The following FSTL5 variants were observed in gnomAD, a reference collection of about 807,000 sequenced individuals.
The protein encoded by FSTL5 is follistatin-related protein 5.
Under a neutral mutation model 89.1 loss-of-function variants are expected in FSTL5, and 62 were observed. That is an observed-to-expected ratio of 0.70 (90% CI 0.57 to 0.86). The LOEUF is 0.86. Among genes scored for constraint, FSTL5 ranks in the 40% least tolerant of loss-of-function variants. FSTL5 has a pLI of 0.00. For missense variants in FSTL5, 1,057 were observed against 1,001.6 expected (o/e 1.06, Z -0.75); for synonymous variants, 383 against 346.2 (o/e 1.11, Z -1.18).
At position 161,757,046 on chromosome 4, in the gene FSTL5, A is replaced by G. The variant is rs142743793; in HGVS notation, c.727+2365T>C. On this transcript the variant is annotated intron_variant, in intron 6 of 15. Transcript: ENST00000306100. ...ACTATTTAGTAAAATGCCCAAAATA[A>G]TTTCTACATTTTCATAAAATTTCAG... 1.6e-4 allele frequency among the ~76,000 whole-genome samples: 25 copies of G among 152,260 alleles called. No individual in the cohort carries two copies. The East Asian group carries it at 4.4e-3, about 27-fold the overall frequency.
intron 3 of FSTL5, among the ~76,000 whole-genome samples, chr4:161,947,710 T>A (rs1362819816): frequency 6.6e-6 from 1 of 152,158 alleles, no homozygotes; most frequent in Admixed American, 6.5e-5. Flanking sequence ...CTAGTCGAGA[T>A]CTGTTGAATT....
intron 10 of FSTL5, among the ~76,000 whole-genome samples, chr4:161,526,473 G>T (rs753409906): frequency 2.0e-5 from 3 of 152,160 alleles, no homozygotes; most frequent in Non-Finnish European, 4.4e-5. Flanking sequence ...ATTTTACTGC[G>T]TGAGATAGAA....
chr4:161,424,946 T>C (rs370811553), intron 15 of FSTL5, among the ~76,000 whole-genome samples: 37 of 152,214 alleles, frequency 2.4e-4, no homozygotes, highest in African/African-American at 8.4e-4. Flanking sequence ...ATTGGCTTTT[T>C]CCCCATTGTT....
chr4:161,917,411 T>C (rs548957488), intron 4 of FSTL5, among the ~76,000 whole-genome samples: 2 of 152,314 alleles, frequency 1.3e-5, no homozygotes, highest in African/African-American at 2.4e-5. Context: ...TTAATTAAAA[T>C]TTTCTTTGTG....
At chr4:161,951,999 A>G (rs1734909278) in intron 3 of FSTL5, among the ~76,000 whole-genome samples, 1 of 152,052 alleles carries the variant, frequency 6.6e-6, no homozygotes, top group Non-Finnish European at 1.5e-5. Flanking sequence ...TCTTCTAGGT[A>G]TTGTGTCTTT....
At chr4:161,432,992 A>G (rs967451628) in intron 15 of FSTL5, among the ~76,000 whole-genome samples, 2 of 152,140 alleles carry the variant, frequency 1.3e-5, no homozygotes, top group African/African-American at 4.8e-5. Context: ...GTTAAATTTT[A>G]CCAAACATTG....
intron 1 of FSTL5, among the ~76,000 whole-genome samples, chr4:162,147,047 A>C (rs1733029950): frequency 6.6e-6 from 1 of 151,942 alleles, no homozygotes; most frequent in Admixed American, 6.6e-5. Flanking sequence ...CTCCCAAAGC[A>C]CTGAGATTAC....
chr4:161,718,435 ATT>A (rs902776299), intron 6 of FSTL5, among the ~76,000 whole-genome samples: 1 of 147,020 alleles, frequency 6.8e-6, no homozygotes, highest in Non-Finnish European at 1.5e-5. Context: ...ATGATAATAC[ATT>A]TTTTTTTTTG....
chr4:161,939,866 C>T (rs567879827), intron 3 of FSTL5, among the ~76,000 whole-genome samples: 4 of 151,940 alleles, frequency 2.6e-5, no homozygotes, highest in Admixed American at 2.0e-4. Context: ...CAAGCATAAA[C>T]TGTCAGAATA....
At chr4:161,688,091 T>C (rs929948119) in intron 6 of FSTL5, among the ~76,000 whole-genome samples, 3 of 152,128 alleles carry the variant, frequency 2.0e-5, no homozygotes, top group Non-Finnish European at 4.4e-5. Flanking sequence ...TCTGTTTTGT[T>C]TTGTTTTAAG....
Position 161,664,677 on chromosome 4 carries a change from A to G in FSTL5, c.728-8183T>C, listed in dbSNP as rs118063335. ...CTAAACTCTGCCTGATACCCAGTGC[A>G]AGTCACTTCCACATTTTCAGGTGTC... On this transcript the variant is annotated intron_variant, in intron 6 of 15. Coordinates refer to ENST00000306100, the MANE Select transcript of FSTL5 (RefSeq NM_020116.5). The G allele has an allele frequency of 6.0e-3, 919 of 153,402 alleles. 9 individuals carry two copies. The highest frequency in any genetic ancestry group is 0.045 in the South Asian group (218 of 4,866). 9.5% of individuals were successfully genotyped at this position (153,402 alleles called of 1,614,324 possible). A position where few individuals can be genotyped will look rare whatever the true frequency, so the allele number is the denominator to read the frequency against.
intron 1 of FSTL5, among the ~76,000 whole-genome samples, chr4:162,120,313 C>T (rs13135418): frequency 0.29 from 44,098 of 151,930 alleles, 6,578 homozygotes; most frequent in Middle Eastern, 0.37. Context: ...ATGGTACTTA[C>T]GAAAGCCCCA....
chr4:161,601,515 C>T (rs1442222304), intron 7 of FSTL5, among the ~76,000 whole-genome samples: 1 of 152,008 alleles, frequency 6.6e-6, no homozygotes, highest in Non-Finnish European at 1.5e-5. Flanking sequence ...CATATAACTA[C>T]CTAAGGTTGA....
intron 1 of FSTL5, among the ~76,000 whole-genome samples, chr4:162,147,908 G>A (rs1177826715): frequency 1.3e-5 from 2 of 152,080 alleles, no homozygotes; most frequent in Non-Finnish European, 2.9e-5. Flanking sequence ...GGGAAGGTGA[G>A]GCAGGAGAAT....
chr4:161,990,363 T>A (rs904440245), intron 3 of FSTL5, among the ~76,000 whole-genome samples: 1 of 152,112 alleles, frequency 6.6e-6, no homozygotes, highest in Non-Finnish European at 1.5e-5. Flanking sequence ...TTAAAAGTAG[T>A]TTGTTGCATC....
chr4:161,753,463 T>C (rs1391293274), intron 6 of FSTL5, among the ~76,000 whole-genome samples: 1 of 152,192 alleles, frequency 6.6e-6, no homozygotes, highest in Non-Finnish European at 1.5e-5. Context: ...TATGGCCACA[T>C]TCCTGCATTT....
intron 4 of FSTL5, among the ~76,000 whole-genome samples, chr4:161,860,404 T>C (rs1368038915): frequency 1.3e-5 from 2 of 152,156 alleles, no homozygotes; most frequent in African/African-American, 4.8e-5. Flanking sequence ...TATGCCATAT[T>C]AAGGAGGTTG....
chr4:161,657,052 T>C (rs1460836009), intron 6 of FSTL5, among the ~76,000 whole-genome samples: 1 of 152,228 alleles, frequency 6.6e-6, no homozygotes, highest in Non-Finnish European at 1.5e-5. Flanking sequence ...CGCACTGGTA[T>C]TGAATAGTTA....
chr4:161,510,726 A>G (rs1730624343), intron 10 of FSTL5, among the ~76,000 whole-genome samples: 1 of 151,724 alleles, frequency 6.6e-6, no homozygotes. Context: ...AGTTAGTTTA[A>G]TTGAAATGTA....
Sources: allele counts gnomAD v4.1 joint callset (sites outside exome capture counted in the v4.1 genomes callset), GRCh38; gene constraint gnomAD v4.1.1; transcripts MANE v1.5; gene names NCBI Gene and HGNC (gene_info 2026-07-23, HGNC 2026-07-21).